NBEAL1: variants seen among roughly 807,000 people sequenced by gnomAD.
NBEAL1 encodes neurobeachin like 1.
In NBEAL1, 273 loss-of-function variants were observed where a neutral mutation model predicts 351.3. The observed-to-expected ratio is 0.78, with a 90% CI of 0.70 to 0.86. The LOEUF (loss-of-function observed/expected upper bound fraction) is 0.86, where lower values mean the gene tolerates loss of function less well. Ranked by LOEUF, NBEAL1 falls within the 40% of genes least tolerant of loss-of-function variation. The pLI is 0.00. For synonymous variants in NBEAL1, 1,050 were observed against 1,086.4 expected, an observed-to-expected ratio of 0.97 and a Z score of 0.66; for missense variants, 2,961 against 3,201.3, an observed-to-expected ratio of 0.92 and a Z score of 1.81.
intron 36 of NBEAL1, among the ~76,000 whole-genome samples, chr2:203,162,185 A>G (rs1559026202): frequency 1.3e-5 from 2 of 151,414 alleles, no homozygotes. Context: ...CACTACGCCC[A>G]GCTAATTTTT....
Position 203,213,619 on chromosome 2 carries a change from A to T in NBEAL1, c.8036A>T (p.Lys2679Ile). 1.2e-6 allele frequency: 2 copies of T among 1,614,072 alleles called. No homozygotes were observed. The highest frequency in any genetic ancestry group is 1.7e-6 in the Non-Finnish European group (2 of 1,179,988). ...ATTCTTGTAGGTTTAGAAGATGGCA[A>T]ATTGATTGTAGTGGGTGTTGGCAAG... ...SHILVGLEDG[K>I]LIVVGVGKPA... Residue 2679 changes from lysine (K) to isoleucine (I), a missense_variant, in exon 55 of 56, where the codon AAA becomes ATA. Lys to Ile is a moderately radical substitution (Grantham distance 102). Coordinates refer to ENST00000683969, the MANE Select transcript of NBEAL1 (RefSeq NM_001378026.1).
At chr2:203,132,365 G>A (rs145848050) in intron 26 of NBEAL1, among the ~76,000 whole-genome samples, 1 of 152,274 alleles carries the variant, frequency 6.6e-6, no homozygotes, top group East Asian at 1.9e-4. Context: ...TGAGTCCACG[G>A]AACAAGAAAA....
intron 34 of NBEAL1, 142 bp from the exon 35 acceptor site, chr2:203,151,323 C>A: frequency 1.9e-6 from 1 of 537,308 alleles, no homozygotes; most frequent in Non-Finnish European, 3.0e-6. Context: ...CAGAATGAGA[C>A]TCTGTCTCTG....
intron 36 of NBEAL1, among the ~76,000 whole-genome samples, chr2:203,160,075 C>CTTTTTTTTTTTTTT (rs1417826114): frequency 7.2e-6 from 1 of 137,944 alleles, no homozygotes; most frequent in African/African-American, 2.6e-5. Flanking sequence ...TTGCCCCCCG[C>CTTTTTTTTTTTTTT]TATTTTTTTT....
rs1203630953 is a variant in NBEAL1 at position 203,221,532 on chromosome 2, ATGTTTGTTTGTTTCCTTTT to A, written c.*4192_*4210del. On this transcript the variant is annotated 3_prime_UTR_variant, in exon 56 of 56. Coordinates refer to ENST00000683969, the MANE Select transcript of NBEAL1 (RefSeq NM_001378026.1). ...TTGACTGGGATATAAGAAATGAAAC[ATGTTTGTTTGTTTCCTTTT>A]TGTTTGTTTGTTTGCATCATCAGCC... is the stretch of plus-strand genomic sequence containing the variant. Among the ~76,000 whole-genome samples, 3 of 152,120 alleles carry A rather than the reference ATGTTTGTTTGTTTCCTTTT, an allele frequency of 2.0e-5. No homozygotes were observed. In the East Asian group the frequency reaches 5.8e-4, roughly 29 times the overall value.
At chr2:203,190,084 C>T (rs549991158) in intron 45 of NBEAL1, among the ~76,000 whole-genome samples, 6 of 149,734 alleles carry the variant, frequency 4.0e-5, no homozygotes, top group East Asian at 4.0e-4. Context: ...TGCAGTGAGT[C>T]GAGATCATAC....
Position 203,190,389 on chromosome 2 carries a change from G to C in NBEAL1, c.6921G>C (p.Lys2307Asn). The C allele has an allele frequency of 6.3e-7, 1 of 1,594,036 alleles. No individual in the cohort carries two copies. Among genetic ancestry groups the C allele is most frequent in the Non-Finnish European group, 8.6e-7 (1 of 1,167,708 alleles). Reference protein sequence around the residue: ...NFGQTPCQLLKEPHPPRLSAE... With the variant: ...NFGQTPCQLLNEPHPPRLSAE... The stretch of plus-strand genomic sequence containing the variant: ...GGCAAACACCCTGTCAATTATTAAA[G>C]GTAAGTCAACAACTTAAGAAGTAGA... Residue 2307 changes from lysine (K) to asparagine (N), a missense_variant and splice_region_variant, in exon 46 of 56, where the codon AAG (lysine) becomes AAC (asparagine). Physicochemically the swap from Lys to Asn is moderately conservative, Grantham distance 94 (BLOSUM62 0). Transcript: ENST00000683969.
At chr2:203,054,038 C>T (rs1235240704) in intron 4 of NBEAL1, among the ~76,000 whole-genome samples, 1 of 151,716 alleles carries the variant, frequency 6.6e-6, no homozygotes, top group East Asian at 1.9e-4. Context: ...ACAGCCTCAA[C>T]CTCCCTGGCT....
chr2:203,182,517 T>TG (rs1449850866), intron 43 of NBEAL1: 1 of 152,258 alleles, frequency 6.6e-6, no homozygotes, highest in Non-Finnish European at 1.5e-5. Context: ...ATAAAGGTTC[T>TG]GCTAGCAAAT....
At position 203,136,683 on chromosome 2, in the gene NBEAL1, A is replaced by T; in HGVS notation, c.4474A>T (p.Thr1492Ser). The T allele has an allele frequency of 6.2e-7, 1 of 1,613,756 alleles. No homozygotes were observed. Among genetic ancestry groups the T allele is most frequent in the East Asian group, 2.2e-5 (1 of 44,818 alleles). ...GGGACTAGAAAAGTCTGATGATGAT[A>T]CTTGGATTGAACGAGGACAAGTGTT... ...CKGLEKSDDD[T>S]WIERGQVFSA... is the part of the protein sequence containing the mutation. Residue 1492 changes from threonine to serine, a missense_variant, in exon 29 of 56, where the codon ACT becomes TCT. Transcript: ENST00000683969.
chr2:203,147,124 T>C (rs1376888108), intron 33 of NBEAL1, among the ~76,000 whole-genome samples: 2 of 152,142 alleles, frequency 1.3e-5, no homozygotes, highest in Non-Finnish European at 2.9e-5. Context: ...ATATTCATTC[T>C]CACCACTGTT....
rs1477787892 is a variant in NBEAL1, at chr2:203,144,730, A to G, written c.4979A>G (p.Glu1660Gly). ...VLSQSIKEQT[E>G]IYSFLIPLVR... ...AGTCAATCAATCAAGGAACAGACTG[A>G]AATCTACTCATTTCTGATTCCCCTT... The change falls in exon 32 of 56, where the codon GAA (glutamate) becomes GGA (glycine). Residue 1660 changes from glutamate (E) to glycine (G), a missense_variant. Glu to Gly is a moderately conservative substitution (Grantham distance 98). Coordinates refer to ENST00000683969, the MANE Select transcript of NBEAL1 (RefSeq NM_001378026.1). The G allele has an allele frequency of 4.3e-6, 7 of 1,614,164 alleles. No individual in the cohort carries two copies. The highest frequency in any genetic ancestry group is 5.9e-6 in the Non-Finnish European group (7 of 1,180,014).
At chr2:203,040,381 C>T (rs2061120630) in intron 2 of NBEAL1, 4 of 713,926 alleles carry the variant, frequency 5.6e-6, no homozygotes, top group South Asian at 1.5e-5. Context: ...CTTTGTTGTA[C>T]ACATCAAAAG....
intron 6 of NBEAL1, among the ~76,000 whole-genome samples, chr2:203,064,652 A>G (rs1275457326): frequency 3.3e-5 from 5 of 152,214 alleles, no homozygotes; most frequent in Non-Finnish European, 2.9e-5. Flanking sequence ...GGGCTGGAGG[A>G]CAACTTTCTT....
chr2:203,206,542 AGTGCCTGCAATTGCAGGCGC>A (rs2065571412), intron 51 of NBEAL1, among the ~76,000 whole-genome samples: 1 of 151,984 alleles, frequency 6.6e-6, no homozygotes, highest in Non-Finnish European at 1.5e-5. Flanking sequence ...CAGCCTGCCG[AGTGCCTGCAATTGCAGGCGC>A]GCGCCGCCAC....
At chr2:203,124,934 A>G (rs1254939629) in intron 19 of NBEAL1, among the ~76,000 whole-genome samples, 1 of 152,204 alleles carries the variant, frequency 6.6e-6, no homozygotes, top group Non-Finnish European at 1.5e-5. Context: ...CCTTTTTGTT[A>G]ACTAAAAGTC....
chr2:203,167,500 T>C (rs528725681), intron 38 of NBEAL1, 140 bp downstream of exon 38: 1 of 861,256 alleles, frequency 1.2e-6, no homozygotes, highest in East Asian at 2.7e-5. Flanking sequence ...TGGGGGCTAA[T>C]CAGTGTATGA....
At chr2:203,175,670 A>T (rs936746046) in intron 42 of NBEAL1, among the ~76,000 whole-genome samples, 3 of 152,228 alleles carry the variant, frequency 2.0e-5, no homozygotes, top group Non-Finnish European at 2.9e-5. Context: ...AGAGACTCTT[A>T]CATTATTACA....
At chr2:203,071,360 T>C (rs2061678785) in intron 7 of NBEAL1, among the ~76,000 whole-genome samples, 1 of 152,212 alleles carries the variant, frequency 6.6e-6, no homozygotes, top group African/African-American at 2.4e-5. Context: ...TGTCTCTTCC[T>C]CTTCTTACAA....
Sources: gnomAD v4.1 joint callset for allele counts (sites outside exome capture counted in the v4.1 genomes callset) on GRCh38, gnomAD v4.1.1 for gene constraint, MANE v1.5 for transcripts, NCBI Gene and HGNC (gene_info 2026-07-23, HGNC 2026-07-21) for gene names.